Variants in XKR9 observed in about 807,000 individuals in gnomAD.
XKR9 encodes the protein XK-related protein 9.
Under a neutral mutation model 32.0 loss-of-function variants are expected in XKR9, and 32 were observed. The ratio of observed to expected loss-of-function variants is 1.00; its 90% CI spans 0.76 to 1.34. The LOEUF is 1.34. XKR9 is among the 40% of genes most tolerant of loss of function. The pLI is 0.00. For synonymous variants in XKR9, 168 were observed against 143.4 expected (o/e 1.17, Z -1.22); for missense variants, 546 against 429.7 (o/e 1.27, Z -2.39).
At chr8:70,986,098 C>T in the XKR9 span, among the ~76,000 whole-genome samples, 25 of 151,978 alleles carry the variant, frequency 1.6e-4, no homozygotes, top group Non-Finnish European at 3.4e-4. Context: ...CAAAGTTCAT[C>T]GAAAAGTGAA....
chr8:70,893,741 C>G, the XKR9 span, among the ~76,000 whole-genome samples: 6 of 152,060 alleles, frequency 3.9e-5, no homozygotes, highest in South Asian at 2.1e-4. Flanking sequence ...TTCTTATTTT[C>G]CCAACAATGA....
rs752153705 is a variant in XKR9 at position 70,707,130 on chromosome 8, A to G, written c.470A>G (p.His157Arg). The change falls in exon 4 of 5, where the codon CAT becomes CGT. Residue 157 changes from histidine to arginine, a missense_variant. Physicochemically the swap from His to Arg is conservative, Grantham distance 29 (BLOSUM62 0). Transcript: ENST00000408926. The part of the protein sequence containing the change: ...LILQLYILLE[H>R]GQANFSQYAA... ...CTTCAACTCTACATTCTTCTGGAGC[A>G]TGGACAAGCGAATTTCAGTCAGTGT... 7 of 1,612,886 alleles carry G rather than the reference A, an allele frequency of 4.3e-6. No homozygotes were observed.
chr8:71,002,278 C>T, the XKR9 span, among the ~76,000 whole-genome samples: 25 of 139,938 alleles, frequency 1.8e-4, no homozygotes, highest in African/African-American at 4.5e-4. Context: ...CTATAAACTA[C>T]GAGGAAGGGC....
rs1385609265 is a variant in XKR9, at chr8:70,673,390, C to G, written c.-360-1428C>G. Reference sequence around the variant, plus strand: ...TAAAAGTAAGGCAACTTGCATAGGGCCATACAAGGAGATACTAGAAAAAGA... The same window carrying G: ...TAAAAGTAAGGCAACTTGCATAGGGGCATACAAGGAGATACTAGAAAAAGA... On this transcript the variant is annotated intron_variant, in intron 1 of 4. Coordinates refer to ENST00000408926, the MANE Select transcript of XKR9 (RefSeq NM_001011720.2). 2.0e-5 allele frequency among the ~76,000 whole-genome samples: 3 copies of G among 151,986 alleles called. No individual in the cohort carries two copies. In the East Asian group the frequency reaches 5.8e-4, roughly 29 times the overall value.
At chr8:70,798,365 G>T in the XKR9 span, among the ~76,000 whole-genome samples, 19 of 152,224 alleles carry the variant, frequency 1.2e-4, no homozygotes, top group African/African-American at 4.6e-4. Context: ...TTTGAGAAGT[G>T]TCTCTTCATG....
chr8:70,926,177 C>T, the XKR9 span, among the ~76,000 whole-genome samples: 14 of 152,110 alleles, frequency 9.2e-5, no homozygotes, highest in Non-Finnish European at 1.9e-4. Context: ...CAGGTTCAAG[C>T]GATTCTCCTG....
the XKR9 span, among the ~76,000 whole-genome samples, chr8:70,951,630 G>A: frequency 6.6e-6 from 1 of 152,190 alleles, no homozygotes; most frequent in African/African-American, 2.4e-5. Flanking sequence ...GAAGAGAGAG[G>A]AGTACCATTA....
At chr8:70,749,923 A>G (rs1807114461) in intron 2 of XKR9, among the ~76,000 whole-genome samples, 1 of 152,228 alleles carries the variant, frequency 6.6e-6, no homozygotes, top group African/African-American at 2.4e-5. Context: ...TAATCTACTG[A>G]GACTGTTAAA....
At chr8:70,832,218 A>T in the XKR9 span, among the ~76,000 whole-genome samples, 1 of 152,172 alleles carries the variant, frequency 6.6e-6, no homozygotes, top group Non-Finnish European at 1.5e-5. Flanking sequence ...TCCAGGCTAG[A>T]TGAGGGCATA....
chr8:70,953,114 C>T, the XKR9 span, among the ~76,000 whole-genome samples: 4 of 152,144 alleles, frequency 2.6e-5, no homozygotes, highest in African/African-American at 9.7e-5. Flanking sequence ...AGTACTGCAG[C>T]AAACTAATGC....
At chr8:70,709,239 A>G (rs1393484512) in intron 4 of XKR9, among the ~76,000 whole-genome samples, 1 of 152,198 alleles carries the variant, frequency 6.6e-6, no homozygotes, top group Non-Finnish European at 1.5e-5. Context: ...ATAAAATTCA[A>G]CATCCCTTTA....
chr8:70,716,999 A>T (rs1401878935), intron 4 of XKR9, among the ~76,000 whole-genome samples: 2 of 152,238 alleles, frequency 1.3e-5, no homozygotes, highest in African/African-American at 4.8e-5. Context: ...TCTGAAATGC[A>T]GTGGAGCAGT....
chr8:70,790,649 A>G (rs1295721083), downstream of XKR9, among the ~76,000 whole-genome samples: 1 of 152,086 alleles, frequency 6.6e-6, no homozygotes, highest in Non-Finnish European at 1.5e-5. Flanking sequence ...AGTATATATT[A>G]TATGATAGTA....
At chr8:70,891,957 AT>A in the XKR9 span, among the ~76,000 whole-genome samples, 1 of 151,990 alleles carries the variant, frequency 6.6e-6, no homozygotes, top group Non-Finnish European at 1.5e-5. Flanking sequence ...GTGTGTATAT[AT>A]TTACAATTGT....
chr8:70,962,556 G>GT, the XKR9 span, among the ~76,000 whole-genome samples: 1 of 152,118 alleles, frequency 6.6e-6, no homozygotes, highest in Non-Finnish European at 1.5e-5. Flanking sequence ...TTTTCTATGG[G>GT]TGTAGCATTC....
At chr8:70,699,447 A>T (rs1256660106) in intron 3 of XKR9, among the ~76,000 whole-genome samples, 2 of 151,842 alleles carry the variant, frequency 1.3e-5, no homozygotes, top group Admixed American at 1.3e-4. Context: ...TATGAAGCTT[A>T]GTTTGTCTGG....
intron 2 of XKR9, among the ~76,000 whole-genome samples, chr8:70,767,608 T>G (rs1475173220): frequency 1.3e-5 from 2 of 150,282 alleles, no homozygotes; most frequent in Non-Finnish European, 3.0e-5. Flanking sequence ...GTCATTCTCC[T>G]GCCTCAGCCT....
chr8:70,933,457 C>G, the XKR9 span, among the ~76,000 whole-genome samples: 1 of 150,934 alleles, frequency 6.6e-6, no homozygotes, highest in African/African-American at 2.4e-5. Context: ...TTTGTCTTTC[C>G]TGGCATAACG....
chr8:70,843,475 T>C, the XKR9 span, among the ~76,000 whole-genome samples: 1 of 152,158 alleles, frequency 6.6e-6, no homozygotes, highest in Non-Finnish European at 1.5e-5. Flanking sequence ...ACTAGAGGAA[T>C]ACAACACTTG....
Sources: gnomAD v4.1 joint callset for allele counts (sites outside exome capture counted in the v4.1 genomes callset) on GRCh38, gnomAD v4.1.1 for gene constraint, MANE v1.5 for transcripts, NCBI Gene and HGNC (gene_info 2026-07-23, HGNC 2026-07-21) for gene names.